SNTN: variants seen among roughly 807,000 people sequenced by gnomAD.
SNTN encodes the protein sentan, cilia apical structure protein.
A neutral mutation model predicts 12.3 loss-of-function variants in SNTN; 13 were observed. The observed-to-expected ratio is 1.05, with a 90% CI of 0.69 to 1.67. The LOEUF (loss-of-function observed/expected upper bound fraction) is 1.67, where lower values mean the gene tolerates loss of function less well. SNTN is among the 40% of genes most tolerant of loss of function. The probability of loss-of-function intolerance (pLI) is 0.00; values close to 1 mark genes in which losing one functional copy is unlikely to be tolerated. For synonymous variants in SNTN, 69 were observed against 58.5 expected, an observed-to-expected ratio of 1.18 and a Z score of -0.82; for missense variants, 189 against 169.8, an observed-to-expected ratio of 1.11 and a Z score of -0.63.
intron 3 of SNTN, among the ~76,000 whole-genome samples, chr3:63,662,498 G>A (rs1227766205): frequency 1.3e-5 from 2 of 152,192 alleles, no homozygotes; most frequent in East Asian, 1.9e-4. Context: ...TCAGAAAATG[G>A]TGTGCTCTTA....
At chr3:63,655,179 C>T (rs1473946137) in intron 2 of SNTN, among the ~76,000 whole-genome samples, 3 of 152,272 alleles carry the variant, frequency 2.0e-5, no homozygotes, top group South Asian at 2.1e-4. Context: ...TCCCAACTGC[C>T]TCTGTTGACT....
At chr3:63,659,671 G>A (rs189308353) in intron 2 of SNTN, 54 bp from the exon 3 acceptor site, 4 of 1,605,146 alleles carry the variant, frequency 2.5e-6, no homozygotes, top group East Asian at 4.5e-5. Context: ...AGCAGGTCTG[G>A]GGAAGGGTTA....
intron 2 of SNTN, among the ~76,000 whole-genome samples, chr3:63,659,351 T>C (rs1283515217): frequency 6.6e-6 from 1 of 152,226 alleles, no homozygotes; most frequent in African/African-American, 2.4e-5. Flanking sequence ...CTTCATTTTA[T>C]TCGGTGATTC....
At chr3:63,657,368 A>G (rs11130954) in intron 2 of SNTN, among the ~76,000 whole-genome samples, 46,285 of 152,006 alleles carry the variant, frequency 0.3, 8,056 homozygotes, top group South Asian at 0.51. Flanking sequence ...AGTTGCACTT[A>G]GCCCTTTACA....
In SNTN at chr3:63,654,739, T is replaced by A. The variant is rs777109573; in HGVS notation, c.111-23T>A. 2.5e-6 allele frequency: 4 copies of A among 1,611,874 alleles called. No individual in the cohort carries two copies. The South Asian group carries it at 4.4e-5, about 18-fold the overall frequency. On this transcript the variant is annotated intron_variant, in intron 1 of 3. Transcript: ENST00000343837. ...AATACCCCAACTCCCAGAATCATTC[T>A]GTTTCTTTCATTTTGTTGGCAGGAT...
At chr3:63,657,847 G>A (rs1700699845) in intron 2 of SNTN, among the ~76,000 whole-genome samples, 2 of 152,194 alleles carry the variant, frequency 1.3e-5, no homozygotes, top group South Asian at 4.1e-4. Flanking sequence ...TCTTAGCAAT[G>A]TGAACTTTAT....
chr3:63,655,385 G>T (rs1700666717), intron 2 of SNTN, among the ~76,000 whole-genome samples: 1 of 152,086 alleles, frequency 6.6e-6, no homozygotes, highest in South Asian at 2.1e-4. Flanking sequence ...AAGCACAGCT[G>T]TACATTACTA....
intron 1 of SNTN, among the ~76,000 whole-genome samples, chr3:63,653,437 G>A (rs1220510443): frequency 2.0e-5 from 3 of 152,018 alleles, no homozygotes; most frequent in Non-Finnish European, 2.9e-5. Flanking sequence ...AGAAGAGCAG[G>A]AGGCACTCAC....
At chr3:63,659,964 C>G in intron 3 of SNTN, 100 bp downstream of exon 3, 2 of 1,422,678 alleles carry the variant, frequency 1.4e-6, no homozygotes, top group South Asian at 1.3e-5. Flanking sequence ...TGTTGTCTCA[C>G]GTAACAAATG....
chr3:63,652,815 G>A lies in SNTN; in HGVS notation c.110+18G>A. The A allele has an allele frequency of 4.4e-6, 7 of 1,600,456 alleles. No homozygotes were observed. The highest frequency in any genetic ancestry group is 6.0e-6 in the Non-Finnish European group (7 of 1,168,000). On this transcript the variant is annotated intron_variant, in intron 1 of 3. Transcript: ENST00000343837. The stretch of plus-strand genomic sequence containing the variant: ...CCCAAAAGGTCAGTGGCACTTGGCT[G>A]TCTTTTATTGAGTTTCATTTAAGCT...
At chr3:63,663,702 C>T (rs1427671439) in intron 3 of SNTN, 2 of 641,436 alleles carry the variant, frequency 3.1e-6, no homozygotes, top group Non-Finnish European at 5.8e-6. Flanking sequence ...ACCAGCTCCC[C>T]TTCACCTTCT....
chr3:63,660,283 G>T (rs776480151), intron 3 of SNTN, among the ~76,000 whole-genome samples: 16 of 152,108 alleles, frequency 1.1e-4, no homozygotes, highest in Admixed American at 2.6e-4. Context: ...GGTGAGAAGG[G>T]ATGGGACGGT....
At chr3:63,662,785 C>T (rs1410900316) in intron 3 of SNTN, among the ~76,000 whole-genome samples, 1 of 152,180 alleles carries the variant, frequency 6.6e-6, no homozygotes, top group African/African-American at 2.4e-5. Flanking sequence ...GTACACCTAG[C>T]ACATGGGTGA....
chr3:63,660,795 A>G (rs941289627), intron 3 of SNTN, among the ~76,000 whole-genome samples: 1 of 152,198 alleles, frequency 6.6e-6, no homozygotes. Flanking sequence ...GAAATATTTA[A>G]GAGGAAGACT....
chr3:63,656,003 C>G (rs1700675685), intron 2 of SNTN, among the ~76,000 whole-genome samples: 1 of 152,198 alleles, frequency 6.6e-6, no homozygotes, highest in African/African-American at 2.4e-5. Context: ...AAGTAGACAG[C>G]AGGGACCTAG....
At position 63,654,812 on chromosome 3, in the gene SNTN, C is replaced by T. The variant is rs200843459; in HGVS notation, c.145+16C>T. Reference sequence around the variant, plus strand: ...TCAGTGAAAGGTAAGGCACAGATGACGCAGATGTACATTTTTCTCCTCTAC... The same window carrying T: ...TCAGTGAAAGGTAAGGCACAGATGATGCAGATGTACATTTTTCTCCTCTAC... On this transcript the variant is annotated intron_variant, in intron 2 of 3. Coordinates refer to ENST00000343837, the MANE Select transcript of SNTN (RefSeq NM_001080537.2). The T allele has an allele frequency of 1.3e-4, 212 of 1,610,574 alleles. No homozygotes were observed. Among genetic ancestry groups the T allele is most frequent in the Middle Eastern group, 3.3e-4 (2 of 6,036 alleles).
intron 1 of SNTN, among the ~76,000 whole-genome samples, chr3:63,653,058 A>T (rs1194790968): frequency 6.6e-6 from 1 of 152,212 alleles, no homozygotes; most frequent in Non-Finnish European, 1.5e-5. Flanking sequence ...ATTGGTGATG[A>T]CTTAACTGTG....
intron 1 of SNTN, among the ~76,000 whole-genome samples, chr3:63,654,365 G>A (rs1282637076): frequency 2.0e-5 from 3 of 152,194 alleles, no homozygotes; most frequent in Non-Finnish European, 4.4e-5. Flanking sequence ...ACTCCATGCA[G>A]TCACGTGAGA....
intron 3 of SNTN, 121 bp from the exon 4 acceptor site, chr3:63,663,816 A>G (rs7634688): frequency 0.41 from 526,122 of 1,281,434 alleles, 113,425 homozygotes; most frequent in East Asian, 0.64. Context: ...TTTCTTTATA[A>G]ATCACTCAGT....
Sources: gnomAD v4.1 joint callset for allele counts (sites outside exome capture counted in the v4.1 genomes callset) on GRCh38, gnomAD v4.1.1 for gene constraint, MANE v1.5 for transcripts, NCBI Gene and HGNC (gene_info 2026-07-23, HGNC 2026-07-21) for gene names.